Variants in BBS9 observed in about 807,000 individuals in gnomAD.
BBS9 encodes Bardet-Biedl syndrome 9, also known as protein PTHB1.
In BBS9, 89 loss-of-function variants were observed where a neutral mutation model predicts 117.7. The observed-to-expected ratio is 0.76, with a 90% CI of 0.64 to 0.90. The LOEUF is 0.90. BBS9 is among the 40% of genes least tolerant of loss of function. BBS9 has a pLI of 0.00. For synonymous variants in BBS9, 379 were observed against 370.9 expected (o/e 1.02, Z -0.25); for missense variants, 982 against 1,042.2 (o/e 0.94, Z 0.80).
chr7:33,400,673 C>T (rs2128789096), intron 19 of BBS9, among the ~76,000 whole-genome samples: 1 of 152,128 alleles, frequency 6.6e-6, no homozygotes, highest in East Asian at 1.9e-4. Context: ...TTTTTATAAG[C>T]ATATCTATGA....
intron 21 of BBS9, among the ~76,000 whole-genome samples, chr7:33,635,024 A>G (rs1034730459): frequency 2.0e-5 from 3 of 152,090 alleles, no homozygotes; most frequent in Admixed American, 1.3e-4. Context: ...CTTCGAAACC[A>G]TCGGTACCCA....
At chr7:33,417,027 T>C (rs914945545) in intron 19 of BBS9, among the ~76,000 whole-genome samples, 2 of 152,192 alleles carry the variant, frequency 1.3e-5, no homozygotes, top group Non-Finnish European at 2.9e-5. Context: ...AAATGGTTTC[T>C]CTCCTCAAGT....
intron 19 of BBS9, among the ~76,000 whole-genome samples, chr7:33,463,069 C>T (rs1265594645): frequency 1.3e-5 from 2 of 151,908 alleles, no homozygotes; most frequent in African/African-American, 4.8e-5. Context: ...GGAGGGTCTG[C>T]CTAAAAAGTA....
In BBS9 at chr7:33,528,830, AG is replaced by A. The variant is rs780956157; in HGVS notation, c.2299-5122del. ...CATCAACTCAACTGTTTTGATTCAC[AG>A]GTGGCATGGGAATACTTTCTTAGTT... is the stretch of plus-strand genomic sequence containing the variant. On this transcript the variant is annotated intron_variant, in intron 20 of 22. Coordinates refer to ENST00000242067, the MANE Select transcript of BBS9 (RefSeq NM_198428.3). Among the ~76,000 whole-genome samples, 163 of 152,218 alleles carry A rather than the reference AG, an allele frequency of 1.1e-3. 2 individuals are homozygous for A. Among genetic ancestry groups the A allele is most frequent in the Non-Finnish European group, 3.5e-4 (24 of 68,026 alleles).
chr7:33,236,647 A>G (rs1050075378), intron 5 of BBS9, among the ~76,000 whole-genome samples: 1 of 152,034 alleles, frequency 6.6e-6, no homozygotes, highest in Non-Finnish European at 1.5e-5. Context: ...TTTTTAATGT[A>G]TTTTAATTGA....
At chr7:33,380,180 G>A (rs1029887271) in intron 17 of BBS9, 4 of 170,838 alleles carry the variant, frequency 2.3e-5, no homozygotes, top group Non-Finnish European at 3.8e-5. Flanking sequence ...GCGGAGGCAT[G>A]GGGAAAGATA....
Position 33,427,933 on chromosome 7 carries a change from G to T in BBS9, c.2115+39789G>T, listed in dbSNP as rs1476341670. Reference sequence around the variant, plus strand: ...CATGAGGAAACTGATAACCAGAGAGGAAGTGATCACCCCCAGGCCAGGTAA... The same window carrying T: ...CATGAGGAAACTGATAACCAGAGAGTAAGTGATCACCCCCAGGCCAGGTAA... On this transcript the variant is annotated intron_variant, in intron 19 of 22. Transcript: ENST00000242067. Among the ~76,000 whole-genome samples the T allele has an allele frequency of 2.0e-5, 3 of 152,160 alleles. No individual in the cohort carries two copies. In the East Asian group the frequency reaches 5.8e-4, roughly 29 times the overall value.
chr7:33,229,150 A>T (rs1010523607), intron 5 of BBS9, among the ~76,000 whole-genome samples: 3 of 152,192 alleles, frequency 2.0e-5, no homozygotes, highest in Non-Finnish European at 4.4e-5. Flanking sequence ...AAATTAACAT[A>T]TCCATCATCT....
At position 33,183,762 on chromosome 7, in the gene BBS9, A is replaced by G. The variant is rs1209353233; in HGVS notation, c.442+6171A>G. Among the ~76,000 whole-genome samples the G allele has an allele frequency of 2.0e-5, 3 of 152,196 alleles. No homozygotes were observed. The East Asian group carries it at 5.8e-4, about 29-fold the overall frequency. On this transcript the variant is annotated intron_variant, in intron 5 of 22. Transcript: ENST00000242067. ...AAGAGAAAGTACTGCCACGTACTTA[A>G]AAGGTCAAGCTCCCAAGGACATAAA...
At chr7:33,344,685 A>T in intron 12 of BBS9, 51 bp downstream of exon 12, 1 of 1,533,150 alleles carries the variant, frequency 6.5e-7, no homozygotes, top group Non-Finnish European at 9.0e-7. Flanking sequence ...GATTTATTTC[A>T]TTACATCTGT....
chr7:33,569,494 G>A (rs1192802984), intron 21 of BBS9, among the ~76,000 whole-genome samples: 5 of 151,642 alleles, frequency 3.3e-5, no homozygotes, highest in African/African-American at 4.8e-5. Flanking sequence ...AGTGGCCCAC[G>A]CCTGTAATCC....
At chr7:33,543,974 T>C (rs1304611804) in intron 21 of BBS9, among the ~76,000 whole-genome samples, 1 of 152,202 alleles carries the variant, frequency 6.6e-6, no homozygotes, top group Non-Finnish European at 1.5e-5. Flanking sequence ...TTTTCTTCTA[T>C]TTATTCAGTT....
At chr7:33,390,530 A>G in intron 19 of BBS9, 1 of 965,838 alleles carries the variant, frequency 1.0e-6, no homozygotes, top group Non-Finnish European at 1.2e-6. Context: ...AAGGATTTTG[A>G]CTTAATTTTT....
chr7:33,416,381 G>A (rs1832021470), intron 19 of BBS9, among the ~76,000 whole-genome samples: 1 of 151,154 alleles, frequency 6.6e-6, no homozygotes, highest in Non-Finnish European at 1.5e-5. Flanking sequence ...GTTGCTTTTT[G>A]TAGTTTTTGT....
intron 19 of BBS9, among the ~76,000 whole-genome samples, chr7:33,417,869 G>A (rs139000200): frequency 9.9e-5 from 15 of 152,244 alleles, no homozygotes; most frequent in African/African-American, 3.6e-4. Context: ...AAACAACAAA[G>A]GTTTCTACTG....
intron 9 of BBS9, among the ~76,000 whole-genome samples, chr7:33,319,047 C>T (rs1811136900): frequency 6.6e-6 from 1 of 151,938 alleles, no homozygotes; most frequent in Non-Finnish European, 1.5e-5. Context: ...CCTGTAATCC[C>T]AGCTACTTGG....
downstream of BBS9, among the ~76,000 whole-genome samples, chr7:33,608,192 A>G (rs938206534): frequency 1.3e-5 from 2 of 152,054 alleles, no homozygotes; most frequent in African/African-American, 4.8e-5. Flanking sequence ...AATGGCCTCT[A>G]GCTACATTCA....
chr7:33,531,402 C>T (rs1405690281), intron 20 of BBS9, among the ~76,000 whole-genome samples: 6 of 152,128 alleles, frequency 3.9e-5, no homozygotes, highest in African/African-American at 1.4e-4. Context: ...GGAGGCCAGG[C>T]TGGCAGGAGA....
chr7:33,633,418 T>C (rs530663894), intron 21 of BBS9, among the ~76,000 whole-genome samples: 1 of 152,142 alleles, frequency 6.6e-6, no homozygotes, highest in Non-Finnish European at 1.5e-5. Context: ...GGGAAAATCA[T>C]ATTACTCAGC....
Sources: allele counts gnomAD v4.1 joint callset (sites outside exome capture counted in the v4.1 genomes callset), GRCh38; gene constraint gnomAD v4.1.1; transcripts MANE v1.5; gene names NCBI Gene and HGNC (gene_info 2026-07-23, HGNC 2026-07-21).